PDK1: variants seen among roughly 807,000 people sequenced by gnomAD.
PDK1 encodes [Pyruvate dehydrogenase (acetyl-transferring)] kinase isozyme 1, mitochondrial.
In PDK1, 39 loss-of-function variants were observed where a neutral mutation model predicts 54.2. The observed-to-expected ratio is 0.72, with a 90% CI of 0.56 to 0.94. The LOEUF (loss-of-function observed/expected upper bound fraction) is 0.94. PDK1 is among the 40% of genes least tolerant of loss of function. The pLI, the probability that PDK1 is intolerant of heterozygous loss-of-function variation, is 0.00. For missense variants in PDK1, 552 were observed against 566.0 expected (o/e 0.98, Z 0.25); for synonymous variants, 221 against 207.1 (o/e 1.07, Z -0.58).
the PDK1 span, among the ~76,000 whole-genome samples, chr2:172,633,219 A>AT: frequency 0.012 from 1,106 of 91,148 alleles, 9 homozygotes; most frequent in South Asian, 0.037. Context: ...ATTAAAAAAA[A>AT]TTTTTTTTTT....
chr2:172,573,669 A>G (rs1173969905), intron 8 of PDK1, among the ~76,000 whole-genome samples: 4 of 151,820 alleles, frequency 2.6e-5, no homozygotes, highest in African/African-American at 9.7e-5. Context: ...CTAGATATAT[A>G]TATATGTATA....
the PDK1 span, among the ~76,000 whole-genome samples, chr2:172,656,924 T>C: frequency 2.0e-5 from 3 of 152,316 alleles, no homozygotes; most frequent in Middle Eastern, 3.4e-3. Flanking sequence ...AAGACAAGTG[T>C]GGGGGCTCTC....
At chr2:172,651,805 C>G in the PDK1 span, among the ~76,000 whole-genome samples, 1 of 152,134 alleles carries the variant, frequency 6.6e-6, no homozygotes, top group Non-Finnish European at 1.5e-5. Flanking sequence ...ATAACAGGTT[C>G]TGAAATTGAG....
the PDK1 span, among the ~76,000 whole-genome samples, chr2:172,671,572 T>C: frequency 6.6e-6 from 1 of 151,732 alleles, no homozygotes; most frequent in Admixed American, 6.6e-5. Context: ...AAAAATAACT[T>C]GAACTATAGG....
the PDK1 span, among the ~76,000 whole-genome samples, chr2:172,693,140 C>T: frequency 6.6e-6 from 1 of 152,252 alleles, no homozygotes; most frequent in Admixed American, 6.5e-5. Context: ...GCTCTCACCT[C>T]CTGTGCCCGT....
chr2:172,667,801 G>A, the PDK1 span, among the ~76,000 whole-genome samples: 1 of 152,110 alleles, frequency 6.6e-6, no homozygotes, highest in African/African-American at 2.4e-5. Context: ...TGCCATGTGG[G>A]TCCTCAATAA....
At chr2:172,651,772 A>T in the PDK1 span, among the ~76,000 whole-genome samples, 2 of 152,226 alleles carry the variant, frequency 1.3e-5, no homozygotes, top group African/African-American at 2.4e-5. Flanking sequence ...AACCAGGAAG[A>T]AGTTGAATCT....
chr2:172,570,075 G>A (rs774752795), intron 7 of PDK1, among the ~76,000 whole-genome samples: 1 of 152,114 alleles, frequency 6.6e-6, no homozygotes, highest in Non-Finnish European at 1.5e-5. Flanking sequence ...CAATTGCTGT[G>A]CCAGGGCCAC....
the PDK1 span, among the ~76,000 whole-genome samples, chr2:172,634,287 T>TATTATTATTATTATTATTATTATTA: frequency 4.7e-5 from 7 of 149,408 alleles, no homozygotes; most frequent in Non-Finnish European, 8.9e-5. Flanking sequence ...TTATTATTAT[T>TATTATTATTATTATTATTATTATTA]TTGGAGACCG....
intron 9 of PDK1, among the ~76,000 whole-genome samples, chr2:172,592,446 T>A (rs919135352): frequency 1.3e-5 from 2 of 151,684 alleles, no homozygotes; most frequent in Admixed American, 1.3e-4. Context: ...ACTTTGTCTC[T>A]TTCTTTCTTT....
the PDK1 span, among the ~76,000 whole-genome samples, chr2:172,712,178 A>G: frequency 6.6e-6 from 1 of 152,204 alleles, no homozygotes; most frequent in African/African-American, 2.4e-5. Flanking sequence ...TTCCCCTGTA[A>G]TAAATTGTAA....
At chr2:172,659,909 G>A in the PDK1 span, among the ~76,000 whole-genome samples, 2 of 152,238 alleles carry the variant, frequency 1.3e-5, no homozygotes, top group South Asian at 2.1e-4. Flanking sequence ...AACCACACAC[G>A]CTTTAGCTGG....
intron 8 of PDK1, among the ~76,000 whole-genome samples, chr2:172,573,584 T>G (rs1038642828): frequency 2.6e-5 from 4 of 151,484 alleles, no homozygotes; most frequent in African/African-American, 9.7e-5. Flanking sequence ...TATGTGTGTG[T>G]ATATATATAC....
At chr2:172,609,745 A>G (rs1250301547), downstream of PDK1, among the ~76,000 whole-genome samples, 3 of 152,196 alleles carry the variant, frequency 2.0e-5, no homozygotes, top group African/African-American at 7.2e-5. Flanking sequence ...TCAATTATCC[A>G]TCTGGCAAAT....
the PDK1 span, among the ~76,000 whole-genome samples, chr2:172,640,129 G>A: frequency 1.1e-4 from 17 of 152,280 alleles, no homozygotes; most frequent in Admixed American, 3.3e-4. Flanking sequence ...TGTGATAGAG[G>A]CCATGGACTA....
chr2:172,581,265 A>G (rs1190976336), intron 8 of PDK1, among the ~76,000 whole-genome samples: 8 of 151,882 alleles, frequency 5.3e-5, no homozygotes, highest in Admixed American at 5.3e-4. Flanking sequence ...TAATTCTTGT[A>G]TTTTTAGTAG....
the PDK1 span, among the ~76,000 whole-genome samples, chr2:172,708,305 G>T: frequency 2.0e-5 from 3 of 151,862 alleles, no homozygotes. Flanking sequence ...TTGCCAACAG[G>T]ATTTAGTGAT....
the PDK1 span, among the ~76,000 whole-genome samples, chr2:172,654,609 G>C: frequency 6.6e-6 from 1 of 151,188 alleles, no homozygotes; most frequent in Non-Finnish European, 1.5e-5. Flanking sequence ...GGGGCCTGTC[G>C]TGGGGTGGGG....
the PDK1 span, among the ~76,000 whole-genome samples, chr2:172,682,328 C>A: frequency 6.6e-6 from 1 of 152,172 alleles, no homozygotes; most frequent in Non-Finnish European, 1.5e-5. Flanking sequence ...CATGGAAGCC[C>A]CTCTCAGGGT....
Sources: gnomAD v4.1 joint callset for allele counts (sites outside exome capture counted in the v4.1 genomes callset) on GRCh38, gnomAD v4.1.1 for gene constraint, MANE v1.5 for transcripts, NCBI Gene and HGNC (gene_info 2026-07-23, HGNC 2026-07-21) for gene names.